The following ENTREP2 variants were observed in gnomAD, a reference collection of about 807,000 sequenced individuals.
The protein encoded by ENTREP2 is endosomal transmembrane epsin interactor 2, also known as protein ENTREP2.
chr15:29,228,148 G>A, the ENTREP2 span, among the ~76,000 whole-genome samples: 53,820 of 151,688 alleles, frequency 0.35, 10,347 homozygotes, highest in East Asian at 0.6. Flanking sequence ...GTGAAACCCC[G>A]TCTCTACTAA....
At chr15:29,252,540 A>T in the ENTREP2 span, 1 of 895,890 alleles carries the variant, frequency 1.1e-6, no homozygotes, top group Non-Finnish European at 1.8e-6. Context: ...GAAAAATGAC[A>T]TGGCTTTACA....
the ENTREP2 span, among the ~76,000 whole-genome samples, chr15:29,150,322 C>A: frequency 0.35 from 52,659 of 152,086 alleles, 9,419 homozygotes; most frequent in Non-Finnish European, 0.37. Flanking sequence ...TGCTGTTATA[C>A]TCGTATATGC....
chr15:29,196,483 G>A, the ENTREP2 span: 7 of 1,551,640 alleles, frequency 4.5e-6, no homozygotes, highest in East Asian at 1.7e-4. Flanking sequence ...TTCAGCTTCA[G>A]CGTCTCCCCG....
the ENTREP2 span, among the ~76,000 whole-genome samples, chr15:29,175,314 T>C: frequency 2.6e-5 from 4 of 152,358 alleles, no homozygotes; most frequent in Non-Finnish European, 5.9e-5. Flanking sequence ...GTTTCACAAA[T>C]GTGCTGCCGG....
the ENTREP2 span, among the ~76,000 whole-genome samples, chr15:29,544,197 A>C: frequency 2.6e-5 from 4 of 152,242 alleles, no homozygotes. Flanking sequence ...TTTTACTGTT[A>C]GGAACATTCT....
At chr15:29,625,086 T>C in the ENTREP2 span, among the ~76,000 whole-genome samples, 1 of 152,112 alleles carries the variant, frequency 6.6e-6, no homozygotes, top group East Asian at 1.9e-4. Flanking sequence ...AGTTTTGTCA[T>C]TTTGAGGATG....
chr15:29,577,351 A>G, the ENTREP2 span, among the ~76,000 whole-genome samples: 1 of 64,216 alleles, frequency 1.6e-5, no homozygotes, highest in Non-Finnish European at 4.2e-5. Context: ...TGTGTGTGTG[A>G]GAGAGAGAAA....
At chr15:29,490,265 G>C in the ENTREP2 span, among the ~76,000 whole-genome samples, 1 of 152,154 alleles carries the variant, frequency 6.6e-6, no homozygotes, top group Non-Finnish European at 1.5e-5. Context: ...TGGTCTCTCT[G>C]GCCTCAGAAG....
At chr15:29,563,573 T>C in the ENTREP2 span, among the ~76,000 whole-genome samples, 1 of 152,228 alleles carries the variant, frequency 6.6e-6, no homozygotes, top group African/African-American at 2.4e-5. Context: ...GGCTCGTGCC[T>C]ATAATCCCAG....
chr15:29,269,443 T>C, the ENTREP2 span: 7 of 1,613,878 alleles, frequency 4.3e-6, no homozygotes, highest in Non-Finnish European at 5.9e-6. Context: ...CTCGGACACT[T>C]TCAGCTCCAG....
At chr15:29,423,391 T>C in the ENTREP2 span, among the ~76,000 whole-genome samples, 1 of 152,128 alleles carries the variant, frequency 6.6e-6, no homozygotes, top group African/African-American at 2.4e-5. Context: ...TTAGTTAACA[T>C]GAAAAATTCT....
chr15:29,328,810 G>T, the ENTREP2 span, among the ~76,000 whole-genome samples: 2 of 152,152 alleles, frequency 1.3e-5, no homozygotes. Context: ...ATGAACTCAT[G>T]TTTAGCTTAA....
chr15:29,425,210 T>TA, the ENTREP2 span, among the ~76,000 whole-genome samples: 8 of 149,252 alleles, frequency 5.4e-5, no homozygotes, highest in African/African-American at 2.0e-4. Context: ...TTTTTTTTTT[T>TA]GTATTTTTTA....
chr15:29,381,821 G>A, the ENTREP2 span: 8 of 1,551,474 alleles, frequency 5.2e-6, no homozygotes, highest in East Asian at 2.4e-5. Flanking sequence ...TATGAGTCCC[G>A]ACAGCAGCAC....
At chr15:29,118,701 G>A in the ENTREP2 span, among the ~76,000 whole-genome samples, 3 of 143,092 alleles carry the variant, frequency 2.1e-5, no homozygotes, top group African/African-American at 6.1e-5. Flanking sequence ...GTGTGCATGC[G>A]TGTGCGTGTG....
chr15:29,435,476 G>C, the ENTREP2 span, among the ~76,000 whole-genome samples: 1 of 152,142 alleles, frequency 6.6e-6, no homozygotes, highest in South Asian at 2.1e-4. Context: ...TTTCAGCACT[G>C]CTTGTTTAAT....
chr15:29,479,944 T>A, the ENTREP2 span, among the ~76,000 whole-genome samples: 1 of 152,094 alleles, frequency 6.6e-6, no homozygotes, highest in Non-Finnish European at 1.5e-5. Context: ...AAAAGCAATG[T>A]GGTTCTGTGG....
At chr15:29,483,526 G>A in the ENTREP2 span, among the ~76,000 whole-genome samples, 1 of 152,194 alleles carries the variant, frequency 6.6e-6, no homozygotes, top group Non-Finnish European at 1.5e-5. Flanking sequence ...TTTGCGTGTT[G>A]GCCTCTAGCT....
chr15:29,343,388 T>C, the ENTREP2 span, among the ~76,000 whole-genome samples: 1 of 152,072 alleles, frequency 6.6e-6, no homozygotes, highest in Non-Finnish European at 1.5e-5. Context: ...GTTCCCCAAG[T>C]AGAAGGAATT....
Sources: allele counts gnomAD v4.1 joint callset (sites outside exome capture counted in the v4.1 genomes callset), GRCh38; gene constraint gnomAD v4.1.1; transcripts MANE v1.5; gene names NCBI Gene and HGNC (gene_info 2026-07-23, HGNC 2026-07-21).